TAFA2: variants seen among roughly 807,000 people sequenced by gnomAD.
TAFA2 encodes TAFA chemokine like family member 2.
In TAFA2, 7 loss-of-function variants were observed where a neutral mutation model predicts 18.8. That is an observed-to-expected ratio of 0.37 (90% CI 0.21 to 0.70). The LOEUF (loss-of-function observed/expected upper bound fraction) is 0.70. TAFA2 is among the 30% of genes least tolerant of loss of function. The pLI is 0.53. For synonymous variants in TAFA2, 60 were observed against 54.2 expected (o/e 1.11, Z -0.47); for missense variants, 122 against 158.1 (o/e 0.77, Z 1.23).
At chr12:62,034,356 A>G (rs1356089187) in intron 1 of TAFA2, among the ~76,000 whole-genome samples, 1 of 152,164 alleles carries the variant, frequency 6.6e-6, no homozygotes, top group Non-Finnish European at 1.5e-5. Context: ...GATTTTACCT[A>G]CCTCGGAAAG....
chr12:61,863,910 C>T (rs572868347), intron 2 of TAFA2, among the ~76,000 whole-genome samples: 3 of 152,262 alleles, frequency 2.0e-5, no homozygotes, highest in Non-Finnish European at 2.9e-5. Context: ...TCTATCTTGC[C>T]TCAAGGAGGG....
chr12:62,121,130 T>TA lies in TAFA2; in HGVS notation c.-2+70128dup, dbSNP rs199598468. On this transcript the variant is annotated intron_variant, in intron 1 of 4. Coordinates refer to ENST00000416284, the MANE Select transcript of TAFA2 (RefSeq NM_178539.5). ...CATGATTTCTATGAACTACCCTAGGTAAGTTCAATCTCTCCTCACCTCAAG... is the reference window on the plus strand; with the variant it reads ...CATGATTTCTATGAACTACCCTAGGTAAAGTTCAATCTCTCCTCACCTCAAG... Among the ~76,000 whole-genome samples the TA allele has an allele frequency of 8.4e-3, 1,282 of 152,222 alleles. 8 individuals are homozygous for TA. Among genetic ancestry groups the TA allele is most frequent in the Non-Finnish European group, 0.012 (825 of 68,022 alleles).
intron 2 of TAFA2, among the ~76,000 whole-genome samples, chr12:61,760,108 A>G (rs1482621540): frequency 6.6e-6 from 1 of 150,678 alleles, no homozygotes; most frequent in Non-Finnish European, 1.5e-5. Flanking sequence ...CTATGAACAA[A>G]ATGTAGAAAC....
At chr12:61,757,941 C>T (rs375637609) in intron 2 of TAFA2, among the ~76,000 whole-genome samples, 1 of 151,882 alleles carries the variant, frequency 6.6e-6, no homozygotes, top group Admixed American at 6.6e-5. Flanking sequence ...GATCTTGGTA[C>T]GTTATCTATT....
chr12:62,046,965 C>T (rs1388900687), intron 1 of TAFA2, among the ~76,000 whole-genome samples: 1 of 151,610 alleles, frequency 6.6e-6, no homozygotes, highest in Non-Finnish European at 1.5e-5. Context: ...AAACTTATGT[C>T]ATGGGGGTTG....
chr12:62,007,813 A>G (rs899814848), intron 1 of TAFA2, among the ~76,000 whole-genome samples: 2 of 152,246 alleles, frequency 1.3e-5, no homozygotes, highest in Non-Finnish European at 2.9e-5. Flanking sequence ...CATCACCTCA[A>G]ACATTTATCA....
intron 1 of TAFA2, among the ~76,000 whole-genome samples, chr12:62,173,911 C>A (rs1362453943): frequency 6.6e-6 from 1 of 152,170 alleles, no homozygotes; most frequent in East Asian, 1.9e-4. Context: ...GGTGGAAAAT[C>A]AGACCAAAAG....
At chr12:62,104,183 T>C (rs1198888197) in intron 1 of TAFA2, among the ~76,000 whole-genome samples, 1 of 151,874 alleles carries the variant, frequency 6.6e-6, no homozygotes, top group Admixed American at 6.6e-5. Context: ...TATTGAGTAA[T>C]AATTAAAAGG....
At chr12:62,062,652 C>T (rs921399192) in intron 1 of TAFA2, among the ~76,000 whole-genome samples, 13 of 152,172 alleles carry the variant, frequency 8.5e-5, no homozygotes, top group African/African-American at 3.1e-4. Flanking sequence ...ACAACATAAA[C>T]TTATTATCTT....
intron 1 of TAFA2, among the ~76,000 whole-genome samples, chr12:61,989,651 C>G (rs543736855): frequency 6.6e-5 from 10 of 152,266 alleles, no homozygotes; most frequent in Non-Finnish European, 1.5e-4. Context: ...ACTTCTTCCC[C>G]CACTCCCAGA....
intron 1 of TAFA2, among the ~76,000 whole-genome samples, chr12:62,109,371 T>C (rs562101997): frequency 7.0e-4 from 107 of 152,348 alleles, no homozygotes; most frequent in Admixed American, 2.9e-3. Flanking sequence ...CATGCTGTTT[T>C]GGTTACTGTA....
intron 1 of TAFA2, among the ~76,000 whole-genome samples, chr12:62,057,832 AT>A (rs35054180): frequency 0.21 from 31,997 of 151,930 alleles, 3,707 homozygotes; most frequent in Non-Finnish European, 0.26. Context: ...GTTTTTATTG[AT>A]TCATGTGGTG....
chr12:61,733,330 G>GA (rs1352202956), intron 4 of TAFA2, among the ~76,000 whole-genome samples: 1 of 151,730 alleles, frequency 6.6e-6, no homozygotes, highest in African/African-American at 2.4e-5. Flanking sequence ...TGGTGTTTTA[G>GA]ACATGAAGTC....
chr12:61,750,420 T>G (rs1868956488), intron 4 of TAFA2, among the ~76,000 whole-genome samples: 1 of 152,128 alleles, frequency 6.6e-6, no homozygotes, highest in Middle Eastern at 3.2e-3. Flanking sequence ...AGAACAGGTA[T>G]GCAACAAAAC....
At chr12:61,764,047 C>T (rs1323307726) in intron 2 of TAFA2, among the ~76,000 whole-genome samples, 1 of 151,952 alleles carries the variant, frequency 6.6e-6, no homozygotes, top group Non-Finnish European at 1.5e-5. Context: ...GTATTCTCCA[C>T]CTTCATTTTT....
At chr12:61,791,748 G>C (rs190651035) in intron 2 of TAFA2, among the ~76,000 whole-genome samples, 17 of 151,794 alleles carry the variant, frequency 1.1e-4, no homozygotes, top group African/African-American at 4.1e-4. Context: ...GGAGAAAAGG[G>C]AAAACATGTA....
At chr12:62,159,406 T>C (rs2062391663) in intron 1 of TAFA2, among the ~76,000 whole-genome samples, 1 of 152,184 alleles carries the variant, frequency 6.6e-6, no homozygotes, top group East Asian at 1.9e-4. Flanking sequence ...ATCATAAAAT[T>C]CTTAAGTATC....
chr12:62,235,531 T>C, intron 1 of TAFA2: 1 of 457,380 alleles, frequency 2.2e-6, no homozygotes, highest in Non-Finnish European at 4.1e-6. Flanking sequence ...CTAGGTGGTG[T>C]CTAGACTCTC....
At chr12:62,062,684 G>A (rs1882382709) in intron 1 of TAFA2, among the ~76,000 whole-genome samples, 2 of 152,250 alleles carry the variant, frequency 1.3e-5, no homozygotes, top group African/African-American at 2.4e-5. Flanking sequence ...GTACAATAAA[G>A]GTCTCACCAG....
Sources: allele counts gnomAD v4.1 joint callset (sites outside exome capture counted in the v4.1 genomes callset), GRCh38; gene constraint gnomAD v4.1.1; transcripts MANE v1.5; gene names NCBI Gene and HGNC (gene_info 2026-07-23, HGNC 2026-07-21).